The following KIF5C variants were observed in gnomAD, a reference collection of about 807,000 sequenced individuals.
KIF5C encodes kinesin family member 5C.
A neutral mutation model predicts 125.2 loss-of-function variants in KIF5C; 18 were observed. The ratio of observed to expected loss-of-function variants is 0.14; its 90% CI spans 0.10 to 0.21. The LOEUF (loss-of-function observed/expected upper bound fraction) is 0.21. Among genes scored for constraint, KIF5C ranks in the 10% least tolerant of loss-of-function variants. The pLI, the probability that KIF5C is intolerant of heterozygous loss-of-function variation, is 1.00. For missense variants in KIF5C, 780 were observed against 1,183.8 expected (o/e 0.66, Z 5.01); for synonymous variants, 405 against 434.0 (o/e 0.93, Z 0.83).
intron 7 of KIF5C, among the ~76,000 whole-genome samples, chr2:148,944,057 A>G (rs930400229): frequency 8.5e-5 from 13 of 152,206 alleles, no homozygotes; most frequent in Non-Finnish European, 1.5e-4. Context: ...CAAATTATTT[A>G]TGGCATACCT....
intron 25 of KIF5C, among the ~76,000 whole-genome samples, chr2:149,019,520 C>CTGA (rs1459215734): frequency 1.3e-5 from 2 of 152,158 alleles, no homozygotes; most frequent in African/African-American, 4.8e-5. Context: ...GCAAGAATTC[C>CTGA]TGATTCCATC....
chr2:148,973,521 C>A lies in KIF5C; in HGVS notation c.1293+10C>A. On this transcript the variant is annotated intron_variant, in intron 12 of 25. Coordinates refer to ENST00000435030, the MANE Select transcript of KIF5C (RefSeq NM_004522.3). Reference sequence around the variant, plus strand: ...ACAACTGGATGACAAGGTCTGTGGCCAGAGATTCATAGTTCTCATTCTGCT... The same window carrying A: ...ACAACTGGATGACAAGGTCTGTGGCAAGAGATTCATAGTTCTCATTCTGCT... 1 of 1,598,922 alleles carries A rather than the reference C, an allele frequency of 6.3e-7. No homozygotes were observed. The highest frequency in any genetic ancestry group is 1.1e-5 in the South Asian group (1 of 87,722).
intron 24 of KIF5C, among the ~76,000 whole-genome samples, chr2:149,010,648 G>T (rs1430649396): frequency 6.6e-6 from 1 of 152,250 alleles, no homozygotes; most frequent in African/African-American, 2.4e-5. Context: ...CTATAAATGG[G>T]TACACTCTTA....
chr2:148,982,222 T>G (rs1278540553), intron 14 of KIF5C, among the ~76,000 whole-genome samples: 1 of 152,222 alleles, frequency 6.6e-6, no homozygotes, highest in Admixed American at 6.5e-5. Flanking sequence ...AGCCAGTGCT[T>G]CAGCCTGCAC....
intron 25 of KIF5C, among the ~76,000 whole-genome samples, chr2:149,019,500 G>C (rs1178647668): frequency 6.6e-6 from 1 of 152,150 alleles, no homozygotes; most frequent in African/African-American, 2.4e-5. Flanking sequence ...GAATTGTGGA[G>C]CACCCGGAGG....
intron 8 of KIF5C, among the ~76,000 whole-genome samples, chr2:148,949,359 A>G (rs1460022825): frequency 1.3e-5 from 2 of 152,158 alleles, no homozygotes; most frequent in Non-Finnish European, 2.9e-5. Flanking sequence ...CGGACTCTAG[A>G]TAACCAACCC....
At chr2:148,958,075 A>C (rs1227070550) in intron 10 of KIF5C, among the ~76,000 whole-genome samples, 1 of 152,174 alleles carries the variant, frequency 6.6e-6, no homozygotes, top group African/African-American at 2.4e-5. Flanking sequence ...TATTGTATGA[A>C]TATGGCTTAT....
intron 24 of KIF5C, 53 bp downstream of exon 24, chr2:149,010,404 A>T: frequency 1.3e-6 from 2 of 1,484,810 alleles, no homozygotes; most frequent in South Asian, 1.4e-5. Context: ...GCGGCCTCTC[A>T]GCTCAGATTT....
intron 1 of KIF5C, among the ~76,000 whole-genome samples, chr2:148,914,627 A>G (rs971246974): frequency 6.6e-6 from 1 of 152,060 alleles, no homozygotes; most frequent in African/African-American, 2.4e-5. Context: ...TGCCTTGGCA[A>G]CTCCATTAGA....
intron 14 of KIF5C, among the ~76,000 whole-genome samples, chr2:148,982,139 C>T (rs1478243889): frequency 6.6e-6 from 1 of 152,214 alleles, no homozygotes; most frequent in Non-Finnish European, 1.5e-5. Flanking sequence ...TCCCTCCCGT[C>T]AGCTTTTTGT....
chr2:149,001,605 C>T (rs1681853013), intron 21 of KIF5C, among the ~76,000 whole-genome samples: 1 of 152,294 alleles, frequency 6.6e-6, no homozygotes, highest in Middle Eastern at 3.4e-3. Flanking sequence ...TTTTCTCTGT[C>T]GTGTGTCTGG....
intron 2 of KIF5C, among the ~76,000 whole-genome samples, chr2:148,925,420 T>G (rs536956054): frequency 6.6e-6 from 1 of 152,360 alleles, no homozygotes; most frequent in Admixed American, 6.5e-5. Context: ...AAAAAATATT[T>G]TTAGCTGTGA....
chr2:148,934,041 C>T (rs1211314266), intron 3 of KIF5C, among the ~76,000 whole-genome samples: 4 of 151,382 alleles, frequency 2.6e-5, no homozygotes, highest in African/African-American at 9.7e-5. Flanking sequence ...AGACATACCT[C>T]ACACCACACA....
rs756273464 is a variant in KIF5C at position 149,011,621 on chromosome 2, A to C, written c.2819A>C (p.His940Pro). The C allele has an allele frequency of 6.2e-7, 1 of 1,613,962 alleles. No homozygotes were observed. The highest frequency in any genetic ancestry group is 1.3e-5 in the African/African-American group (1 of 74,954). ...CCGGCCTCATCTCCAACGGCCGTCC[A>C]TGCCATTCGAGGGGGAGGAGGCAGC... ...HYPASSPTAVHAIRGGGGSSS... is the reference protein window; with the variant it reads ...HYPASSPTAVPAIRGGGGSSS... The change falls in exon 25 of 26, where the codon CAT becomes CCT. Residue 940 changes from histidine to proline, a missense_variant. Transcript: ENST00000435030.
chr2:148,973,925 A>C (rs1285309382), intron 12 of KIF5C, among the ~76,000 whole-genome samples: 1 of 152,222 alleles, frequency 6.6e-6, no homozygotes, highest in Non-Finnish European at 1.5e-5. Context: ...GAATTCAAGC[A>C]TGTACTTTAA....
Position 148,968,837 on chromosome 2 carries a change from C to A in KIF5C, c.1118-4499C>A, listed in dbSNP as rs546673361. Among the ~76,000 whole-genome samples the A allele has an allele frequency of 8.5e-5, 13 of 152,082 alleles. 1 individual carries two copies. In the South Asian group the frequency reaches 2.7e-3, roughly 32 times the overall value. Reference sequence around the variant, plus strand: ...CCAGCTGCTCTCACCCATCTGGCAACTTAAAGATTTCCTTTTAGTTTCTTT... The same window carrying A: ...CCAGCTGCTCTCACCCATCTGGCAAATTAAAGATTTCCTTTTAGTTTCTTT... On this transcript the variant is annotated intron_variant, in intron 11 of 25. Coordinates refer to ENST00000435030, the MANE Select transcript of KIF5C (RefSeq NM_004522.3).
intron 3 of KIF5C, 71 bp from the exon 4 acceptor site, chr2:148,937,213 A>T: frequency 6.5e-7 from 1 of 1,530,468 alleles, no homozygotes; most frequent in Non-Finnish European, 8.8e-7. Context: ...GAACCCAGAG[A>T]TGGTTCTCCC....
intron 1 of KIF5C, among the ~76,000 whole-genome samples, chr2:148,920,660 G>A (rs1299782431): frequency 2.6e-5 from 4 of 152,222 alleles, no homozygotes; most frequent in African/African-American, 9.6e-5. Context: ...AAAGAGTAAA[G>A]CTTAAGGGCT....
At chr2:148,944,371 C>G (rs945065051) in intron 7 of KIF5C, among the ~76,000 whole-genome samples, 1 of 152,174 alleles carries the variant, frequency 6.6e-6, no homozygotes, top group African/African-American at 2.4e-5. Flanking sequence ...TTTGACTGCT[C>G]TAGGTACCTC....
Sources: gnomAD v4.1 joint callset for allele counts (sites outside exome capture counted in the v4.1 genomes callset) on GRCh38, gnomAD v4.1.1 for gene constraint, MANE v1.5 for transcripts, NCBI Gene and HGNC (gene_info 2026-07-23, HGNC 2026-07-21) for gene names.